The following IL16 variants were observed in gnomAD, a reference collection of about 807,000 sequenced individuals.
IL16 encodes the protein interleukin 16.
IL16 carries 67 observed loss-of-function variants against 110.1 expected under a neutral mutation model. The ratio of observed to expected loss-of-function variants is 0.61; its 90% CI spans 0.50 to 0.75. The LOEUF (loss-of-function observed/expected upper bound fraction) is 0.75, where lower values mean the gene tolerates loss of function less well. Ranked by LOEUF, IL16 falls within the 30% of genes least tolerant of loss-of-function variation. IL16 has a pLI of 0.00. For synonymous variants in IL16, 689 were observed against 662.9 expected, an observed-to-expected ratio of 1.04 and a Z score of -0.61; for missense variants, 1,545 against 1,655.0, an observed-to-expected ratio of 0.93 and a Z score of 1.15.
rs1900185701 is a variant in IL16, at chr15:81,299,936, G to A, written c.2610G>A (p.Glu870=). 5.0e-6 allele frequency: 8 copies of A among 1,612,954 alleles called. No individual in the cohort carries two copies. The East Asian group carries it at 1.6e-4, about 31-fold the overall frequency. ...TGAGCCTCCAGCCCTCCTCTGGGGAGGCAGCAAAACCTCTTGGGAAGCATG... is the reference window on the plus strand; with the variant it reads ...TGAGCCTCCAGCCCTCCTCTGGGGAAGCAGCAAAACCTCTTGGGAAGCATG... ...QRLSLQPSSG[E]AAKPLGKHEE... The change falls in exon 14 of 19, where the codon GAG becomes GAA. Residue 870 remains glutamate (E), a synonymous_variant. Coordinates refer to ENST00000683961, the MANE Select transcript of IL16 (RefSeq NM_172217.5).
In IL16 at chr15:81,269,596, G is replaced by A. The variant is rs1161261175; in HGVS notation, c.623G>A (p.Gly208Asp). 4.3e-6 allele frequency: 7 copies of A among 1,614,010 alleles called. No individual in the cohort carries two copies. In the African/African-American group the frequency reaches 9.3e-5, roughly 22 times the overall value. ...STAQLVQPSG[G>D]LQASVISNIV... is the part of the protein sequence containing the mutation. The stretch of plus-strand genomic sequence containing the variant: ...GCTCAGCTCGTGCAGCCATCTGGGG[G>A]CCTCCAGGCTTCAGTCATCTCCAAC... The change falls in exon 5 of 19, where the codon GGC (glycine) becomes GAC (aspartate). Residue 208 changes from glycine (G) to aspartate (D), a missense_variant. Transcript: ENST00000683961.
At chr15:81,258,758 T>G (rs1289592143) in intron 2 of IL16, among the ~76,000 whole-genome samples, 1 of 146,750 alleles carries the variant, frequency 6.8e-6, no homozygotes, top group African/African-American at 2.6e-5. Flanking sequence ...TGTCACTCGC[T>G]CTCTCTCTCT....
intron 10 of IL16, among the ~76,000 whole-genome samples, chr15:81,289,365 C>T (rs1417037683): frequency 6.6e-6 from 1 of 152,150 alleles, no homozygotes; most frequent in East Asian, 1.9e-4. Context: ...GAACTCCTGA[C>T]CTCAAGTGAT....
chr15:81,201,988 A>G (rs1255700838), intron 1 of IL16, among the ~76,000 whole-genome samples: 2 of 152,218 alleles, frequency 1.3e-5, no homozygotes, highest in African/African-American at 4.8e-5. Flanking sequence ...TGAACCAGAG[A>G]TGGGGTTACT....
chr15:81,293,704 CAT>C (rs796493244), intron 12 of IL16, among the ~76,000 whole-genome samples: 2 of 152,220 alleles, frequency 1.3e-5, no homozygotes, highest in South Asian at 2.1e-4. Flanking sequence ...GCATCTCAGG[CAT>C]ATTAGCATTC....
intron 14 of IL16, among the ~76,000 whole-genome samples, chr15:81,300,891 C>T (rs1596053461): frequency 1.3e-5 from 2 of 152,204 alleles, no homozygotes; most frequent in African/African-American, 4.8e-5. Flanking sequence ...AAATGGAATC[C>T]ACTTGTACTC....
chr15:81,278,450 C>A (rs1388706667), intron 6 of IL16, among the ~76,000 whole-genome samples: 1 of 152,154 alleles, frequency 6.6e-6, no homozygotes, highest in Non-Finnish European at 1.5e-5. Context: ...ACTGCACAGA[C>A]CATTGTGGAA....
chr15:81,225,732 C>T (rs767811497), intron 2 of IL16, 21 bp downstream of exon 2: 1 of 1,550,790 alleles, frequency 6.4e-7, no homozygotes, highest in African/African-American at 1.4e-5. Context: ...GCTTTGCAGG[C>T]CTGAACTAGC....
At chr15:81,183,283 G>A (rs1895372354) in intron 1 of IL16, among the ~76,000 whole-genome samples, 1 of 152,120 alleles carries the variant, frequency 6.6e-6, no homozygotes, top group Non-Finnish European at 1.5e-5. Context: ...AGCTGTCAGG[G>A]TCCCCACCAG....
At chr15:81,283,056 C>A (rs182972587) in intron 9 of IL16, among the ~76,000 whole-genome samples, 130 of 152,308 alleles carry the variant, frequency 8.5e-4, no homozygotes, top group African/African-American at 3.0e-3. Flanking sequence ...GCTGGCTGAG[C>A]CCCCAGGGCT....
rs773821589 is a variant in IL16 at position 81,303,510 on chromosome 15, G to A, written c.3319-39G>A. The A allele has an allele frequency of 7.6e-7, 1 of 1,310,566 alleles. No individual in the cohort carries two copies. The highest frequency in any genetic ancestry group is 2.3e-5 in the East Asian group (1 of 43,372). The allele number at this position is 1,310,566 out of a possible 1,614,324, so 81.2% of individuals were successfully genotyped here. ...CCGATGTTAAATTGTTCATCCTCTT[G>A]CAGTAAAATGTTTTTGAATGTATGT... On this transcript the variant is annotated intron_variant, in intron 15 of 18. Transcript: ENST00000683961. This position sits in a 1 kb window ranked among gnomAD's most constrained non-coding sequence, Gnocchi z 4.1.
At chr15:81,184,889 G>C (rs554940485) in intron 1 of IL16, among the ~76,000 whole-genome samples, 9 of 152,324 alleles carry the variant, frequency 5.9e-5, no homozygotes, top group African/African-American at 2.2e-4. Flanking sequence ...TTTCACATGT[G>C]CAGATTCTGA....
chr15:81,224,091 A>C (rs1473320600), intron 1 of IL16, among the ~76,000 whole-genome samples: 1 of 152,246 alleles, frequency 6.6e-6, no homozygotes, highest in Non-Finnish European at 1.5e-5. Flanking sequence ...TTGGTGAATA[A>C]ATTGATAAAA....
At chr15:81,192,711 AT>A (rs897149755), upstream of IL16, among the ~76,000 whole-genome samples, 44 of 152,372 alleles carry the variant, frequency 2.9e-4, no homozygotes, top group African/African-American at 9.6e-4. Context: ...ACCTGCTATT[AT>A]GTGAAAAATG....
At chr15:81,217,766 CAA>C (rs1896482307) in intron 1 of IL16, among the ~76,000 whole-genome samples, 2 of 152,180 alleles carry the variant, frequency 1.3e-5, no homozygotes, top group African/African-American at 4.8e-5. Flanking sequence ...TTTGACAAAT[CAA>C]AAGAGGAAAG....
exon 1 of IL16, chr15:81,182,856 A>G: frequency 7.8e-7 from 1 of 1,289,340 alleles, no homozygotes; most frequent in Non-Finnish European, 1.0e-6. Flanking sequence ...AACCCTGTGC[A>G]ATGAGTTTGC....
At position 81,303,764 on chromosome 15, in the gene IL16, A is replaced by G. The variant is rs1029558274; in HGVS notation, c.3420+114A>G. 14 of 726,944 alleles carry G rather than the reference A, an allele frequency of 1.9e-5. No individual in the cohort carries two copies. Among genetic ancestry groups the G allele is most frequent in the Admixed American group, 8.4e-5 (4 of 47,852 alleles). The allele number at this position is 726,944 out of a possible 1,614,324, so 45.0% of individuals were successfully genotyped here. ...GGGGAAATGAAGAATGCATGACACTAGGCCACTGGGCAGGTCCTGTCCACT... is the reference window on the plus strand; with the variant it reads ...GGGGAAATGAAGAATGCATGACACTGGGCCACTGGGCAGGTCCTGTCCACT... On this transcript the variant is annotated intron_variant, in intron 16 of 18. Transcript: ENST00000683961. The surrounding 1 kb of genome is among the most constrained non-coding windows in gnomAD (Gnocchi z 4.1).
chr15:81,210,908 C>G (rs867736913), intron 1 of IL16, among the ~76,000 whole-genome samples: 34 of 152,262 alleles, frequency 2.2e-4, no homozygotes, highest in African/African-American at 8.2e-4. Flanking sequence ...AGTGGGCATC[C>G]TTGTCTTATT....
Position 81,225,598 on chromosome 15 carries a change from T to C in IL16, c.199T>C (p.Ser67Pro), listed in dbSNP as rs922989632. Residue 67 changes from serine (S) to proline (P), a missense_variant, in exon 2 of 19, where the codon TCG (serine) becomes CCG (proline). Physicochemically the swap from Ser to Pro is moderately conservative, Grantham distance 74. Coordinates refer to ENST00000683961, the MANE Select transcript of IL16 (RefSeq NM_172217.5). ...FHSSVQLADT[S>P]EAGPSSVPDL... ...CTCATCTGTGCAGCTGGCAGACACA[T>C]CGGAGGCTGGGCCCAGCAGTGTTCC... 5 of 1,613,904 alleles carry C rather than the reference T, an allele frequency of 3.1e-6. No individual in the cohort carries two copies. The highest frequency in any genetic ancestry group is 4.2e-6 in the Non-Finnish European group (5 of 1,180,006).
Sources: gnomAD v4.1 joint callset for allele counts (sites outside exome capture counted in the v4.1 genomes callset) on GRCh38, gnomAD v4.1.1 for gene constraint, Gnocchi (gnomAD v3.1) non-coding constraint, MANE v1.5 for transcripts, NCBI Gene and HGNC (gene_info 2026-07-23, HGNC 2026-07-21) for gene names.